ANO2: variants seen among roughly 807,000 people sequenced by gnomAD.
The protein encoded by ANO2 is anoctamin-2.
Under a neutral mutation model 124.2 loss-of-function variants are expected in ANO2, and 101 were observed. The ratio of observed to expected loss-of-function variants is 0.81; its 90% CI spans 0.69 to 0.96. The LOEUF (loss-of-function observed/expected upper bound fraction) is 0.96, where lower values mean the gene tolerates loss of function less well. ANO2 is among the 40% of genes least tolerant of loss of function. ANO2 has a pLI of 0.00. For missense variants in ANO2, 1,293 were observed against 1,274.5 expected, an observed-to-expected ratio of 1.01 and a Z score of -0.22; for synonymous variants, 486 against 482.5, an observed-to-expected ratio of 1.01 and a Z score of -0.09.
intron 14 of ANO2, among the ~76,000 whole-genome samples, chr12:5,687,715 A>G (rs559993232): frequency 1.3e-4 from 20 of 152,338 alleles, no homozygotes; most frequent in Non-Finnish European, 1.9e-4. Context: ...GGAATTCAAC[A>G]TGCTTACAGA....
chr12:5,578,117 G>T, intron 21 of ANO2, 110 bp from the exon 22 acceptor site: 1 of 1,384,676 alleles, frequency 7.2e-7, no homozygotes, highest in Non-Finnish European at 1.0e-6. Flanking sequence ...CAGCTTTGCT[G>T]GGCCCCCCCA....
intron 14 of ANO2, among the ~76,000 whole-genome samples, chr12:5,697,505 C>T (rs1453792325): frequency 2.0e-5 from 3 of 152,148 alleles, no homozygotes; most frequent in African/African-American, 7.2e-5. Flanking sequence ...GGAACAGCTC[C>T]AGTCTACAGC....
chr12:5,698,764 G>T (rs565443312), intron 14 of ANO2, among the ~76,000 whole-genome samples: 1 of 152,228 alleles, frequency 6.6e-6, no homozygotes, highest in Non-Finnish European at 1.5e-5. Flanking sequence ...ACCTGATGGA[G>T]CTGAAAACCA....
chr12:5,698,398 A>C (rs1949274874), intron 14 of ANO2, among the ~76,000 whole-genome samples: 1 of 152,210 alleles, frequency 6.6e-6, no homozygotes, highest in South Asian at 2.1e-4. Context: ...GACTGTTAGA[A>C]GGAAAACTAA....
intron 20 of ANO2, among the ~76,000 whole-genome samples, chr12:5,597,584 C>T (rs183249723): frequency 1.3e-3 from 193 of 152,304 alleles, no homozygotes; most frequent in Non-Finnish European, 1.5e-3. Flanking sequence ...GCTCTAATCA[C>T]CCAAAAGAGG....
At chr12:5,593,420 C>T (rs1360604540) in intron 20 of ANO2, among the ~76,000 whole-genome samples, 1 of 152,154 alleles carries the variant, frequency 6.6e-6, no homozygotes, top group Non-Finnish European at 1.5e-5. Context: ...GTCAATAGAG[C>T]CCTGAGGGCT....
intron 4 of ANO2, among the ~76,000 whole-genome samples, chr12:5,841,786 C>T (rs1954522804): frequency 1.3e-5 from 2 of 152,216 alleles, no homozygotes; most frequent in Admixed American, 1.3e-4. Flanking sequence ...CCCCCACTTT[C>T]ATCTAAATGA....
At chr12:5,879,199 A>T (rs1387845240) in intron 3 of ANO2, among the ~76,000 whole-genome samples, 1 of 152,216 alleles carries the variant, frequency 6.6e-6, no homozygotes, top group Non-Finnish European at 1.5e-5. Context: ...CTGATTCCAC[A>T]TAAACAATTT....
intron 14 of ANO2, among the ~76,000 whole-genome samples, chr12:5,654,590 A>G (rs4930742): frequency 6.6e-6 from 1 of 151,910 alleles, no homozygotes; most frequent in Non-Finnish European, 1.5e-5. Flanking sequence ...GTACTTTGTG[A>G]TTATCATCTG....
At chr12:5,689,589 C>T (rs61908143) in intron 14 of ANO2, among the ~76,000 whole-genome samples, 3,312 of 152,238 alleles carry the variant, frequency 0.022, 58 homozygotes, top group South Asian at 0.035. Flanking sequence ...ACTGGCTCAC[C>T]GCTGTGACGG....
intron 4 of ANO2, chr12:5,852,106 T>G: frequency 4.0e-4 from 232 of 587,080 alleles, no homozygotes; most frequent in East Asian, 6.2e-4. Flanking sequence ...AAAGAGGAGA[T>G]AGGGTTGGCC....
At chr12:5,575,510 A>G (rs1293400234) in intron 23 of ANO2, among the ~76,000 whole-genome samples, 1 of 152,176 alleles carries the variant, frequency 6.6e-6, no homozygotes, top group Non-Finnish European at 1.5e-5. Context: ...ACAAATCTAG[A>G]TGCTATATAG....
intron 16 of ANO2, among the ~76,000 whole-genome samples, chr12:5,631,694 G>A (rs1945726402): frequency 6.6e-6 from 1 of 152,200 alleles, no homozygotes; most frequent in Non-Finnish European, 1.5e-5. Flanking sequence ...CCCTTTGAAG[G>A]AGGGTCACTG....
intron 5 of ANO2, among the ~76,000 whole-genome samples, chr12:5,831,472 A>G (rs1954150759): frequency 1.3e-5 from 2 of 152,190 alleles, no homozygotes; most frequent in African/African-American, 2.4e-5. Context: ...CAGAAAGAGC[A>G]GCAAGCCACC....
At chr12:5,939,234 A>T (rs1942796252) in intron 1 of ANO2, among the ~76,000 whole-genome samples, 2 of 151,382 alleles carry the variant, frequency 1.3e-5, no homozygotes, top group Non-Finnish European at 2.9e-5. Context: ...AAAAAAAAAA[A>T]ACTTTGTGTT....
chr12:5,945,418 C>T (rs1271536784), upstream of ANO2, among the ~76,000 whole-genome samples: 2 of 152,152 alleles, frequency 1.3e-5, no homozygotes, highest in Non-Finnish European at 2.9e-5. Flanking sequence ...CCTGGGCGCC[C>T]GGGTGCTGGG....
At chr12:5,632,550 T>C (rs1945776014) in intron 16 of ANO2, among the ~76,000 whole-genome samples, 1 of 152,054 alleles carries the variant, frequency 6.6e-6, no homozygotes, top group Admixed American at 6.6e-5. Context: ...TGGACATTGA[T>C]CTAACAGCCC....
At chr12:5,609,632 G>T (rs939512231) in intron 19 of ANO2, among the ~76,000 whole-genome samples, 28 of 152,062 alleles carry the variant, frequency 1.8e-4, no homozygotes, top group Admixed American at 1.3e-4. Context: ...TGGAATGGGG[G>T]ATTGGGATAT....
intron 14 of ANO2, among the ~76,000 whole-genome samples, chr12:5,655,053 G>A (rs1947090274): frequency 6.6e-6 from 1 of 152,116 alleles, no homozygotes; most frequent in Admixed American, 6.5e-5. Context: ...CCCATCGGTT[G>A]TGTCCAAATT....
Sources: allele counts gnomAD v4.1 joint callset (sites outside exome capture counted in the v4.1 genomes callset), GRCh38; gene constraint gnomAD v4.1.1; transcripts MANE v1.5; gene names NCBI Gene and HGNC (gene_info 2026-07-23, HGNC 2026-07-21).